Variants in SLC16A4 observed in about 807,000 individuals in gnomAD.
SLC16A4 encodes probable monocarboxylate transporter 5.
SLC16A4 carries 39 observed loss-of-function variants against 47.9 expected under a neutral mutation model. That is an observed-to-expected ratio of 0.81 (90% confidence interval 0.63 to 1.06). The LOEUF (loss-of-function observed/expected upper bound fraction) is 1.06. Among genes scored for constraint, SLC16A4 ranks in the 50% least tolerant of loss-of-function variants. The probability of loss-of-function intolerance (pLI) is 0.00; values close to 1 mark genes in which losing one functional copy is unlikely to be tolerated. For synonymous variants in SLC16A4, 189 were observed against 199.9 expected (o/e 0.95, Z 0.46); for missense variants, 524 against 573.8 (o/e 0.91, Z 0.89).
intron 8 of SLC16A4, chr1:110,370,370 G>T (rs1370525532): frequency 6.6e-6 from 1 of 152,110 alleles, no homozygotes; most frequent in East Asian, 1.9e-4. Flanking sequence ...AGAGAAATTC[G>T]CAATTGATAG....
chr1:110,367,897 CCACT>C (rs970515782), intron 8 of SLC16A4, among the ~76,000 whole-genome samples: 1 of 152,060 alleles, frequency 6.6e-6, no homozygotes, highest in African/African-American at 2.4e-5. Flanking sequence ...GGCGCAATCT[CCACT>C]CACTCCCAGC....
chr1:110,373,814 A>G (rs950176613), intron 8 of SLC16A4, among the ~76,000 whole-genome samples: 5 of 149,302 alleles, frequency 3.3e-5, no homozygotes, highest in African/African-American at 1.2e-4. Context: ...AGCTGGGACT[A>G]CAGGTATGCA....
chr1:110,380,647 A>C (rs949929441), intron 5 of SLC16A4, among the ~76,000 whole-genome samples: 1 of 66,926 alleles, frequency 1.5e-5, no homozygotes. Context: ...CGGGGGGGGA[A>C]GGGGGAAGCC....
intron 8 of SLC16A4, chr1:110,372,129 T>TA (rs1661717964): frequency 6.6e-6 from 1 of 152,222 alleles, no homozygotes; most frequent in Admixed American, 6.5e-5. Context: ...TTCTTTTTTA[T>TA]TTTTATACAG....
intron 8 of SLC16A4, among the ~76,000 whole-genome samples, chr1:110,374,879 C>T (rs971644939): frequency 6.6e-6 from 1 of 152,238 alleles, no homozygotes; most frequent in Non-Finnish European, 1.5e-5. Context: ...CAATCTTGGA[C>T]ATCCATATGG....
chr1:110,377,430 C>G (rs1429636149), intron 6 of SLC16A4, among the ~76,000 whole-genome samples: 1 of 152,188 alleles, frequency 6.6e-6, no homozygotes, highest in South Asian at 2.1e-4. Context: ...GCTTACGTCA[C>G]TACAGTGGTA....
Position 110,363,695 on chromosome 1 carries a change from C to A in SLC16A4, c.*71G>T. ...GTAGATGCGATGTGTTTCTTTCAAG[C>A]TTTTGTTTCCAATGACATTAGTTTA... On this transcript the variant is annotated 3_prime_UTR_variant, in exon 9 of 9. Transcript: ENST00000369779. The A allele has an allele frequency of 7.2e-7, 1 of 1,392,388 alleles. No homozygotes were observed. Among genetic ancestry groups the A allele is most frequent in the Non-Finnish European group, 9.6e-7 (1 of 1,043,264 alleles). The allele number at this position is 1,392,388 out of a possible 1,614,324, so 86.3% of individuals were successfully genotyped here.
chr1:110,375,208 A>T (rs917478388), intron 8 of SLC16A4: 2 of 376,534 alleles, frequency 5.3e-6, no homozygotes, highest in Non-Finnish European at 9.6e-6. Context: ...AGACAAGTAG[A>T]CATAGATCCA....
rs1661161146 is a variant in SLC16A4, at chr1:110,362,970, A to G, written c.*796T>C. ...CTTTAATTAAGAACCTAAGTAATAC[A>G]AAGAAAGTAAGGATTACCTTTAATC... is the stretch of plus-strand genomic sequence containing the variant. On this transcript the variant is annotated 3_prime_UTR_variant, in exon 9 of 9. Transcript: ENST00000369779. 1 of 152,224 alleles carries G rather than the reference A, an allele frequency of 6.6e-6. No individual in the cohort carries two copies. The highest frequency in any genetic ancestry group is 1.5e-5 in the Non-Finnish European group (1 of 68,038). The allele number at this position is 152,224 out of a possible 1,614,324, so 9.4% of individuals were successfully genotyped here.
chr1:110,386,107 T>C (rs1570656976), intron 2 of SLC16A4, among the ~76,000 whole-genome samples: 1 of 152,348 alleles, frequency 6.6e-6, no homozygotes, highest in East Asian at 1.9e-4. Flanking sequence ...TTTAGCTAGC[T>C]ACTGGTCCCC....
intron 8 of SLC16A4, among the ~76,000 whole-genome samples, chr1:110,369,886 G>A (rs1369362096): frequency 6.6e-6 from 1 of 152,184 alleles, no homozygotes; most frequent in Non-Finnish European, 1.5e-5. Context: ...ACTTGGCTTA[G>A]CAAATTTAAA....
At chr1:110,386,280 G>A (rs1441797754) in intron 2 of SLC16A4, among the ~76,000 whole-genome samples, 3 of 152,190 alleles carry the variant, frequency 2.0e-5, no homozygotes, top group Middle Eastern at 3.2e-3. Context: ...TTAACTTGAA[G>A]TCTTCCAACT....
At chr1:110,366,402 C>G (rs772080634) in intron 8 of SLC16A4, among the ~76,000 whole-genome samples, 1 of 152,026 alleles carries the variant, frequency 6.6e-6, no homozygotes. Flanking sequence ...TCAGGTGATC[C>G]GCCTGCCTCA....
intron 2 of SLC16A4, among the ~76,000 whole-genome samples, chr1:110,386,373 A>G: frequency 6.6e-6 from 1 of 152,202 alleles, no homozygotes; most frequent in East Asian, 1.9e-4. Context: ...GACTACATAA[A>G]TCTGCATTAT....
rs1662730349 is a variant in SLC16A4 at position 110,386,308 on chromosome 1, C to CA, written c.87+2928dup. ...TTCCAACTTTGTTTCAGTTTTGACT[C>CA]AAAGATATTAAAAATCTCTCCCAAG... is the stretch of plus-strand genomic sequence containing the variant. On this transcript the variant is annotated intron_variant, in intron 2 of 8. Transcript: ENST00000369779. Among the ~76,000 whole-genome samples the CA allele has an allele frequency of 2.0e-5, 3 of 152,186 alleles. No individual in the cohort carries two copies. The South Asian group carries it at 6.2e-4, about 31-fold the overall frequency.
chr1:110,386,239 G>A lies in SLC16A4; in HGVS notation c.87+2998C>T, dbSNP rs185714989. ...CTATGTATCAAGAAGACCAAGGGCAGAGCCTTTGCACCTACCATGCTTCCC... is the reference window on the plus strand; with the variant it reads ...CTATGTATCAAGAAGACCAAGGGCAAAGCCTTTGCACCTACCATGCTTCCC... On this transcript the variant is annotated intron_variant, in intron 2 of 8. Coordinates refer to ENST00000369779, the MANE Select transcript of SLC16A4 (RefSeq NM_004696.3). 2.8e-3 allele frequency among the ~76,000 whole-genome samples: 426 copies of A among 152,336 alleles called. 4 individuals are homozygous for A. The highest frequency in any genetic ancestry group is 9.0e-3 in the African/African-American group (373 of 41,580).
chr1:110,390,071 A>G (rs1019499179), intron 1 of SLC16A4, among the ~76,000 whole-genome samples: 2 of 151,900 alleles, frequency 1.3e-5, no homozygotes, highest in Non-Finnish European at 2.9e-5. Context: ...AAACAGAAAA[A>G]AAACCTCTTT....
intron 8 of SLC16A4, among the ~76,000 whole-genome samples, chr1:110,374,260 C>T (rs1338417240): frequency 1.3e-5 from 2 of 151,894 alleles, no homozygotes; most frequent in African/African-American, 2.4e-5. Flanking sequence ...AGGCTGGTCT[C>T]GAACTCCTGA....
At chr1:110,378,796 T>C (rs1239811455) in intron 6 of SLC16A4, 57 bp downstream of exon 6, 1 of 1,521,914 alleles carries the variant, frequency 6.6e-7, no homozygotes, top group Non-Finnish European at 8.8e-7. Context: ...TGTAATAAGC[T>C]TGTAAAATTA....
Sources: gnomAD v4.1 joint callset for allele counts (sites outside exome capture counted in the v4.1 genomes callset) on GRCh38, gnomAD v4.1.1 for gene constraint, MANE v1.5 for transcripts, NCBI Gene and HGNC (gene_info 2026-07-23, HGNC 2026-07-21) for gene names.